RUNX1T1: variants seen among roughly 807,000 people sequenced by gnomAD.
RUNX1T1 encodes RUNX1 partner transcriptional co-repressor 1.
A neutral mutation model predicts 62.8 loss-of-function variants in RUNX1T1; 4 were observed. That is an observed-to-expected ratio of 0.06 (90% CI 0.03 to 0.15). The LOEUF is 0.15. Among genes scored for constraint, RUNX1T1 ranks in the 10% least tolerant of loss-of-function variants. RUNX1T1 has a pLI of 1.00. For synonymous variants in RUNX1T1, 291 were observed against 286.0 expected (o/e 1.02, Z -0.18); for missense variants, 508 against 754.3 (o/e 0.67, Z 3.82).
chr8:91,993,760 G>A (rs1175252284), intron 5 of RUNX1T1, among the ~76,000 whole-genome samples: 4 of 152,136 alleles, frequency 2.6e-5, no homozygotes, highest in Admixed American at 2.6e-4. Flanking sequence ...GCGAGGCCGA[G>A]GCGGGAGGAT....
downstream of RUNX1T1, chr8:91,956,183 C>G (rs1250828546): frequency 1.3e-5 from 3 of 230,662 alleles, no homozygotes; most frequent in African/African-American, 6.6e-5. Flanking sequence ...GCCAAAAGGG[C>G]CTCTGCTATC....
At chr8:92,039,359 C>G (rs777589519) in intron 1 of RUNX1T1, among the ~76,000 whole-genome samples, 10 of 152,086 alleles carry the variant, frequency 6.6e-5, no homozygotes, top group Non-Finnish European at 1.5e-4. Flanking sequence ...TAGTGCTTCA[C>G]CCCGTACACC....
intron 4 of RUNX1T1, chr8:92,006,300 G>A (rs1485203837): frequency 1.3e-5 from 2 of 152,144 alleles, no homozygotes; most frequent in African/African-American, 4.8e-5. Context: ...CAGTAAGGGA[G>A]AGGAAAGGAG....
chr8:92,076,110 T>C, exon 2 of RUNX1T1: 2 of 1,576,316 alleles, frequency 1.3e-6, no homozygotes. Context: ...ACAGAGATTA[T>C]GTTCACCAGC....
intron 1 of RUNX1T1, among the ~76,000 whole-genome samples, chr8:92,035,430 C>A (rs1285920994): frequency 1.3e-5 from 2 of 151,910 alleles, no homozygotes; most frequent in African/African-American, 4.8e-5. Flanking sequence ...CTAAAAGCCT[C>A]GGCTTTACCA....
intron 1 of RUNX1T1, among the ~76,000 whole-genome samples, chr8:92,034,661 CAT>C (rs779105261): frequency 4.0e-5 from 6 of 149,318 alleles, no homozygotes; most frequent in African/African-American, 5.0e-5. Context: ...AAGAAAATGG[CAT>C]ATATATATGT....
At chr8:91,974,069 T>TTCTCTAC (rs1317590350) in intron 9 of RUNX1T1, among the ~76,000 whole-genome samples, 5 of 152,070 alleles carry the variant, frequency 3.3e-5, no homozygotes, top group Non-Finnish European at 5.9e-5. Context: ...GTAGTGCTCT[T>TTCTCTAC]TCTCTACTCT....
intron 1 of RUNX1T1, among the ~76,000 whole-genome samples, chr8:92,024,004 A>C (rs947020214): frequency 6.6e-6 from 1 of 152,206 alleles, no homozygotes; most frequent in African/African-American, 2.4e-5. Flanking sequence ...ACAGGCAGAA[A>C]AAAGCAAAGA....
upstream of RUNX1T1, among the ~76,000 whole-genome samples, chr8:92,067,054 A>G (rs1832978969): frequency 6.6e-6 from 1 of 152,218 alleles, no homozygotes; most frequent in Admixed American, 6.5e-5. Context: ...ATGACAAAAG[A>G]ACAGGAGACA....
exon 3 of RUNX1T1, chr8:92,014,653 T>C (rs1456444144): frequency 3.7e-6 from 6 of 1,613,840 alleles, no homozygotes; most frequent in Non-Finnish European, 5.1e-6. Context: ...TGCTGCAGGG[T>C]AGTAAGGAAC....
intron 1 of RUNX1T1, among the ~76,000 whole-genome samples, chr8:92,056,458 T>C (rs909761094): frequency 2.0e-5 from 3 of 152,228 alleles, no homozygotes; most frequent in African/African-American, 7.2e-5. Context: ...TCAAGTACTC[T>C]GTATAATGTT....
chr8:92,088,849 C>T (rs1836540615), intron 1 of RUNX1T1, among the ~76,000 whole-genome samples: 1 of 152,186 alleles, frequency 6.6e-6, no homozygotes, highest in African/African-American at 2.4e-5. Flanking sequence ...ATTACTGCTG[C>T]TAATATTTTA....
exon 6 of RUNX1T1, chr8:91,991,736 C>T (rs1256273152): frequency 6.2e-7 from 1 of 1,613,970 alleles, no homozygotes; most frequent in African/African-American, 1.3e-5. Context: ...AACGGTAATG[C>T]TGAGGTGGAG....
chr8:92,022,920 C>G (rs1431521878), intron 1 of RUNX1T1, among the ~76,000 whole-genome samples: 2 of 152,210 alleles, frequency 1.3e-5, no homozygotes, highest in Non-Finnish European at 2.9e-5. Context: ...GAGTTCTTAG[C>G]AATGCTTGTT....
At chr8:92,050,362 A>C (rs748361906) in intron 1 of RUNX1T1, among the ~76,000 whole-genome samples, 1 of 152,184 alleles carries the variant, frequency 6.6e-6, no homozygotes, top group Non-Finnish European at 1.5e-5. Flanking sequence ...CAGATTTCCA[A>C]CTGGACACTG....
At chr8:92,055,785 C>T (rs565563498) in intron 1 of RUNX1T1, among the ~76,000 whole-genome samples, 3 of 152,254 alleles carry the variant, frequency 2.0e-5, no homozygotes, top group East Asian at 1.9e-4. Context: ...CAAGTGTTTT[C>T]TATAGACAAA....
At chr8:92,088,259 G>A (rs1017138129) in intron 1 of RUNX1T1, among the ~76,000 whole-genome samples, 3 of 152,196 alleles carry the variant, frequency 2.0e-5, no homozygotes, top group Non-Finnish European at 2.9e-5. Flanking sequence ...ATCATCTGCT[G>A]TTCTTCCCAG....
Position 91,975,897 on chromosome 8 carries a change from A to G in RUNX1T1, c.1267+8T>C. The G allele has an allele frequency of 2.5e-6, 4 of 1,601,636 alleles. No homozygotes were observed. Among genetic ancestry groups the G allele is most frequent in the Non-Finnish European group, 2.6e-6 (3 of 1,168,686 alleles). ...AACACGAAACTCATGTTTTTAAACA[A>G]TTCTTACCAGCTTTCTTCCAGATCT... On this transcript the variant is annotated splice_region_variant and intron_variant, in intron 9 of 10. Coordinates refer to ENST00000396218, the Ensembl canonical transcript of RUNX1T1.
At chr8:92,073,171 C>A (rs1044308202) in intron 2 of RUNX1T1, among the ~76,000 whole-genome samples, 1 of 152,154 alleles carries the variant, frequency 6.6e-6, no homozygotes. Flanking sequence ...ACTACCACTC[C>A]TAGGTGTCCC....
Sources: gnomAD v4.1 joint callset for allele counts (sites outside exome capture counted in the v4.1 genomes callset) on GRCh38, gnomAD v4.1.1 for gene constraint, MANE v1.5 for transcripts, NCBI Gene and HGNC (gene_info 2026-07-23, HGNC 2026-07-21) for gene names.